TAFA1: variants seen among roughly 807,000 people sequenced by gnomAD.
TAFA1 encodes the protein chemokine-like protein TAFA-1.
In TAFA1, 4 loss-of-function variants were observed where a neutral mutation model predicts 18.5. That is an observed-to-expected ratio of 0.22 (90% CI 0.11 to 0.49). The LOEUF (loss-of-function observed/expected upper bound fraction) is 0.49, where lower values mean the gene tolerates loss of function less well. TAFA1 is among the 20% of genes least tolerant of loss of function. The probability of loss-of-function intolerance (pLI) is 0.98; values close to 1 mark genes in which losing one functional copy is unlikely to be tolerated. For missense variants in TAFA1, 147 were observed against 169.0 expected (o/e 0.87, Z 0.72); for synonymous variants, 56 against 55.2 (o/e 1.01, Z -0.06).
chr3:68,119,145 T>G (rs751119689), intron 2 of TAFA1, among the ~76,000 whole-genome samples: 1 of 152,072 alleles, frequency 6.6e-6, no homozygotes, highest in Non-Finnish European at 1.5e-5. Context: ...TGAGCATCTT[T>G]TCATGTGCTT....
In TAFA1 at chr3:68,154,411, G is replaced by C. The variant is rs191186212; in HGVS notation, c.118+147667G>C. ...ACCTAGGCAGGAAAGTGGGTTTGGT[G>C]AGCATTCAGCCACCTCCTGCTACAA... On this transcript the variant is annotated intron_variant, in intron 2 of 4. Coordinates refer to ENST00000478136, the MANE Select transcript of TAFA1 (RefSeq NM_213609.4). Among the ~76,000 whole-genome samples, 189 of 152,290 alleles carry C rather than the reference G, an allele frequency of 1.2e-3. 3 individuals carry two copies. In the South Asian group the frequency reaches 0.037, roughly 30 times the overall value.
chr3:68,391,868 A>G (rs976672230), intron 2 of TAFA1, among the ~76,000 whole-genome samples: 1 of 152,178 alleles, frequency 6.6e-6, no homozygotes, highest in Non-Finnish European at 1.5e-5. Flanking sequence ...AGCACTAAAC[A>G]TGGAAAGGAA....
chr3:68,154,139 G>T (rs1027918983), intron 2 of TAFA1, among the ~76,000 whole-genome samples: 1 of 152,100 alleles, frequency 6.6e-6, no homozygotes, highest in Non-Finnish European at 1.5e-5. Context: ...AGGGATCCTG[G>T]ATCTGTCCAT....
At chr3:68,094,200 C>T (rs564930575) in intron 2 of TAFA1, among the ~76,000 whole-genome samples, 1 of 151,916 alleles carries the variant, frequency 6.6e-6, no homozygotes, top group Non-Finnish European at 1.5e-5. Flanking sequence ...AAATATGATA[C>T]CTAAAAAAAC....
At chr3:68,434,678 C>T (rs2071239617) in intron 3 of TAFA1, among the ~76,000 whole-genome samples, 1 of 152,108 alleles carries the variant, frequency 6.6e-6, no homozygotes, top group East Asian at 1.9e-4. Flanking sequence ...ACTCAATATA[C>T]TACATGATTA....
intron 2 of TAFA1, among the ~76,000 whole-genome samples, chr3:68,396,164 T>C (rs2106730451): frequency 6.6e-6 from 1 of 152,266 alleles, no homozygotes; most frequent in East Asian, 1.9e-4. Flanking sequence ...AAAACCCTGT[T>C]GAGATGAGAA....
At chr3:68,410,090 G>A (rs1009376933) in intron 2 of TAFA1, among the ~76,000 whole-genome samples, 1 of 152,104 alleles carries the variant, frequency 6.6e-6, no homozygotes, top group African/African-American at 2.4e-5. Flanking sequence ...AACTTCTCCA[G>A]CTCAGAGTTG....
In TAFA1 at chr3:68,424,517, T is replaced by C. The variant is rs562809562; in HGVS notation, c.259+7097T>C. Reference sequence around the variant, plus strand: ...CTTTAATTTTTTTTTCAAGTGGCATTATATGAGATTCTAGAACAAGAACTT... The same window carrying C: ...CTTTAATTTTTTTTTCAAGTGGCATCATATGAGATTCTAGAACAAGAACTT... On this transcript the variant is annotated intron_variant, in intron 3 of 4. Transcript: ENST00000478136. 3.9e-5 allele frequency among the ~76,000 whole-genome samples: 6 copies of C among 152,042 alleles called. No individual in the cohort carries two copies. In the South Asian group the frequency reaches 1.2e-3, roughly 32 times the overall value.
chr3:68,526,686 T>A (rs1021739360), intron 3 of TAFA1, among the ~76,000 whole-genome samples: 1 of 152,106 alleles, frequency 6.6e-6, no homozygotes, highest in Non-Finnish European at 1.5e-5. Context: ...TTTTTAAAAC[T>A]GGGGAAATGT....
chr3:68,520,589 G>A (rs1011368823), intron 3 of TAFA1, among the ~76,000 whole-genome samples: 2 of 152,172 alleles, frequency 1.3e-5, no homozygotes, highest in Admixed American at 6.5e-5. Context: ...TCCATTGTGA[G>A]CAGATCTGGA....
rs549082266 is a variant in TAFA1 at position 68,305,330 on chromosome 3, C to T, written c.119-111950C>T. On this transcript the variant is annotated intron_variant, in intron 2 of 4. Coordinates refer to ENST00000478136, the MANE Select transcript of TAFA1 (RefSeq NM_213609.4). ...TAATGCAATTATATTTTTAATAACA[C>T]TATTTCCAAGTAAAGTAATATATAA... is the stretch of plus-strand genomic sequence containing the variant. 1.0e-3 allele frequency among the ~76,000 whole-genome samples: 146 copies of T among 146,638 alleles called. 1 individual carries two copies. In the Middle Eastern group the frequency reaches 0.011, roughly 11 times the overall value.
chr3:68,172,385 A>G (rs2066066814), intron 2 of TAFA1, among the ~76,000 whole-genome samples: 2 of 152,180 alleles, frequency 1.3e-5, no homozygotes. Flanking sequence ...AACAGAAAAA[A>G]GTGACAACTG....
At chr3:68,146,712 C>A (rs2106912813) in intron 2 of TAFA1, among the ~76,000 whole-genome samples, 1 of 152,348 alleles carries the variant, frequency 6.6e-6, no homozygotes, top group African/African-American at 2.4e-5. Flanking sequence ...AGTTCTTTAA[C>A]TCTTCCTGGG....
intron 3 of TAFA1, among the ~76,000 whole-genome samples, chr3:68,478,695 T>C (rs2072152362): frequency 6.6e-6 from 1 of 152,028 alleles, no homozygotes; most frequent in African/African-American, 2.4e-5. Flanking sequence ...TTTATAAAAT[T>C]TAACATAAGA....
At chr3:68,298,479 G>T (rs1219263089) in intron 2 of TAFA1, among the ~76,000 whole-genome samples, 1 of 152,148 alleles carries the variant, frequency 6.6e-6, no homozygotes, top group Non-Finnish European at 1.5e-5. Flanking sequence ...GTAGCTAAGG[G>T]AGTGGAATCC....
chr3:68,136,453 T>C (rs2106892663), intron 2 of TAFA1, among the ~76,000 whole-genome samples: 1 of 152,242 alleles, frequency 6.6e-6, no homozygotes, highest in East Asian at 1.9e-4. Flanking sequence ...TGGTTGTATT[T>C]ATATTAGTGG....
intron 2 of TAFA1, among the ~76,000 whole-genome samples, chr3:68,095,040 C>A (rs1365932554): frequency 8.5e-5 from 13 of 152,150 alleles, no homozygotes; most frequent in Non-Finnish European, 2.9e-5. Context: ...TGGCCTGTGA[C>A]CCTCTCAGAG....
In TAFA1 at chr3:68,004,660, A is replaced by G. The variant is rs1205796211; in HGVS notation, c.-46A>G. ...TTTTAAAAAGTGTTAGATCTTTCCA[A>G]TGAACACTAATAGAGTACTCTGCTC... On this transcript the variant is annotated 5_prime_UTR_variant, in exon 1 of 5. It removes an upstream start codon present in the reference 5' UTR. Coordinates refer to ENST00000478136, the MANE Select transcript of TAFA1 (RefSeq NM_213609.4). 1 of 152,136 alleles carries G rather than the reference A, an allele frequency of 6.6e-6. No individual in the cohort carries two copies. Among genetic ancestry groups the G allele is most frequent in the Non-Finnish European group, 1.5e-5 (1 of 68,022 alleles). The allele number at this position is 152,136 out of a possible 1,614,324, so 9.4% of individuals were successfully genotyped here.
At chr3:68,408,287 T>C (rs1336983038) in intron 2 of TAFA1, among the ~76,000 whole-genome samples, 1 of 152,224 alleles carries the variant, frequency 6.6e-6, no homozygotes, top group Non-Finnish European at 1.5e-5. Context: ...GGCCTATTAA[T>C]GAGAACTGGG....
Sources: gnomAD v4.1 joint callset for allele counts (sites outside exome capture counted in the v4.1 genomes callset) on GRCh38, gnomAD v4.1.1 for gene constraint, MANE v1.5 for transcripts, NCBI Gene and HGNC (gene_info 2026-07-23, HGNC 2026-07-21) for gene names.